The following PRKCQ variants were observed in gnomAD, a reference collection of about 807,000 sequenced individuals.
The protein encoded by PRKCQ is protein kinase C theta, also known as protein kinase C theta type.
Under a neutral mutation model 91.2 loss-of-function variants are expected in PRKCQ, and 41 were observed. The observed-to-expected ratio is 0.45, with a 90% confidence interval of 0.35 to 0.58. The LOEUF (loss-of-function observed/expected upper bound fraction) is 0.58, where lower values mean the gene tolerates loss of function less well. Among genes scored for constraint, PRKCQ ranks in the 20% least tolerant of loss-of-function variants. PRKCQ has a pLI of 0.00. For synonymous variants in PRKCQ, 307 were observed against 316.9 expected (o/e 0.97, Z 0.33); for missense variants, 673 against 896.5 (o/e 0.75, Z 3.18).
At chr10:6,579,695 C>T (rs1025081559) in intron 1 of PRKCQ, among the ~76,000 whole-genome samples, 11 of 151,690 alleles carry the variant, frequency 7.3e-5, no homozygotes, top group African/African-American at 2.7e-4. Flanking sequence ...CCTCCCCCTC[C>T]CCCAGGCCCT....
Position 6,483,616 on chromosome 10 carries a change from G to A in PRKCQ, c.1019-16C>T. On this transcript the variant is annotated splice_polypyrimidine_tract_variant and intron_variant, in intron 10 of 17. Coordinates refer to ENST00000263125, the MANE Select transcript of PRKCQ (RefSeq NM_006257.5). ...CCCTGAGGCTCTGAAAATGCAAGCTGGTGGTTAAAAATGAACATGGAGTAA... is the reference window on the plus strand; with the variant it reads ...CCCTGAGGCTCTGAAAATGCAAGCTAGTGGTTAAAAATGAACATGGAGTAA... 6.2e-7 allele frequency: 1 copy of A among 1,612,530 alleles called. No individual in the cohort carries two copies.
rs979856020 is a variant in PRKCQ, at chr10:6,521,463, A to C, written c.-9-6319T>G. Among the ~76,000 whole-genome samples, 9 of 152,150 alleles carry C rather than the reference A, an allele frequency of 5.9e-5. 2 individuals carry two copies. Among genetic ancestry groups the C allele is most frequent in the Admixed American group, 6.5e-5 (1 of 15,292 alleles). ...TTAAACTCTCTAAGCCTGCTTTCTC[A>C]TTTGGAAATCACTGATAATACTATT... On this transcript the variant is annotated intron_variant, in intron 1 of 17. Coordinates refer to ENST00000263125, the MANE Select transcript of PRKCQ (RefSeq NM_006257.5).
intron 1 of PRKCQ, among the ~76,000 whole-genome samples, chr10:6,555,435 G>T (rs1840373216): frequency 6.6e-6 from 1 of 152,092 alleles, no homozygotes; most frequent in East Asian, 1.9e-4. Context: ...TTCTATTTCA[G>T]ACAACAGACA....
chr10:6,535,868 C>T (rs991536167), intron 1 of PRKCQ, among the ~76,000 whole-genome samples: 1 of 152,180 alleles, frequency 6.6e-6, no homozygotes, highest in African/African-American at 2.4e-5. Context: ...GCTGACGAAA[C>T]CAACTGCTGT....
At chr10:6,548,092 C>G (rs1244781896) in intron 1 of PRKCQ, among the ~76,000 whole-genome samples, 1 of 152,148 alleles carries the variant, frequency 6.6e-6, no homozygotes, top group Admixed American at 6.5e-5. Context: ...AGACACTTCT[C>G]AAAAGAAGAC....
Position 6,490,933 on chromosome 10 carries a change from G to A in PRKCQ, c.790+750C>T, listed in dbSNP as rs577432466. On this transcript the variant is annotated intron_variant, in intron 8 of 17. Coordinates refer to ENST00000263125, the MANE Select transcript of PRKCQ (RefSeq NM_006257.5). Reference sequence around the variant, plus strand: ...CCTAGTCCTTAATCCTAGTGTAACAGCATCTCAGCTTCTAAACGTTATCGC... The same window carrying A: ...CCTAGTCCTTAATCCTAGTGTAACAACATCTCAGCTTCTAAACGTTATCGC... Among the ~76,000 whole-genome samples, 7 of 151,836 alleles carry A rather than the reference G, an allele frequency of 4.6e-5. No homozygotes were observed. The South Asian group carries it at 1.5e-3, about 32-fold the overall frequency.
intron 7 of PRKCQ, among the ~76,000 whole-genome samples, chr10:6,493,923 C>T (rs1009484478): frequency 2.0e-5 from 3 of 152,184 alleles, no homozygotes; most frequent in Non-Finnish European, 4.4e-5. Context: ...CTTCTCTGAA[C>T]CTGCCCCTTT....
intron 1 of PRKCQ, 22 bp from the exon 2 acceptor site, chr10:6,515,166 A>T: frequency 6.2e-7 from 1 of 1,611,482 alleles, no homozygotes; most frequent in Non-Finnish European, 8.5e-7. Flanking sequence ...CAAAAGACAA[A>T]CGCTGTTTGG....
the PRKCQ span, among the ~76,000 whole-genome samples, chr10:6,418,623 G>A: frequency 0.013 from 1,912 of 152,212 alleles, 13 homozygotes; most frequent in Non-Finnish European, 0.021. Flanking sequence ...CTAATTACAG[G>A]ACCATAGAGT....
the PRKCQ span, among the ~76,000 whole-genome samples, chr10:6,413,246 C>T: frequency 6.6e-6 from 1 of 152,146 alleles, no homozygotes; most frequent in Admixed American, 6.5e-5. Context: ...GCCACTCTGC[C>T]CGGCCTTAAA....
chr10:6,512,481 G>C (rs1192425982), intron 2 of PRKCQ, among the ~76,000 whole-genome samples: 1 of 152,210 alleles, frequency 6.6e-6, no homozygotes, highest in Non-Finnish European at 1.5e-5. Flanking sequence ...TAATTAAGAA[G>C]TTTTTTCTTG....
intron 15 of PRKCQ, 60 bp downstream of exon 15, chr10:6,456,614 A>C (rs563827270): frequency 6.3e-7 from 1 of 1,579,326 alleles, no homozygotes; most frequent in Admixed American, 1.8e-5. Context: ...GGGGCTAAAG[A>C]AGCAATGGCA....
At chr10:6,528,382 A>T (rs1365081148) in intron 1 of PRKCQ, among the ~76,000 whole-genome samples, 1 of 151,942 alleles carries the variant, frequency 6.6e-6, no homozygotes, top group Non-Finnish European at 1.5e-5. Flanking sequence ...ATCCTTGGCC[A>T]TGTCATAGGC....
intron 3 of PRKCQ, among the ~76,000 whole-genome samples, chr10:6,510,039 T>C (rs1838392545): frequency 6.6e-6 from 1 of 152,198 alleles, no homozygotes; most frequent in Admixed American, 6.5e-5. Flanking sequence ...TTTCTTAAAA[T>C]CTGAGTTTAA....
intron 15 of PRKCQ, among the ~76,000 whole-genome samples, chr10:6,452,281 AACAG>A (rs1176011523): frequency 6.6e-6 from 1 of 152,074 alleles, no homozygotes; most frequent in Admixed American, 6.6e-5. Flanking sequence ...AGACACCAAT[AACAG>A]ACAGAGAGCC....
intron 2 of PRKCQ, 131 bp from the exon 3 acceptor site, chr10:6,511,325 C>T: frequency 2.4e-6 from 2 of 825,924 alleles, no homozygotes; most frequent in East Asian, 2.6e-5. Flanking sequence ...ACAAAAGTAG[C>T]ACATAAACAA....
At chr10:6,564,316 A>T (rs1468542600) in intron 1 of PRKCQ, among the ~76,000 whole-genome samples, 1 of 152,140 alleles carries the variant, frequency 6.6e-6, no homozygotes, top group Non-Finnish European at 1.5e-5. Context: ...TGTAGGAAAT[A>T]TTATGGTATA....
Position 6,427,324 on chromosome 10 carries a change from G to C in PRKCQ, c.*883C>G, listed in dbSNP as rs755418169. The C allele has an allele frequency of 6.6e-6, 1 of 152,112 alleles. No individual in the cohort carries two copies. The highest frequency in any genetic ancestry group is 6.5e-5 in the Admixed American group (1 of 15,278). 9.4% of individuals were successfully genotyped at this position (152,112 alleles called of 1,614,324 possible). A position where few individuals can be genotyped will look rare whatever the true frequency, so the allele number is the denominator to read the frequency against. ...GCCATTGATCTTGAATGATGCCTAC[G>C]GAGGGGCTTATGAGTCATGAAATCA... On this transcript the variant is annotated 3_prime_UTR_variant, in exon 18 of 18. Transcript: ENST00000263125.
At chr10:6,527,944 A>G (rs1021767357) in intron 1 of PRKCQ, among the ~76,000 whole-genome samples, 4 of 152,190 alleles carry the variant, frequency 2.6e-5, no homozygotes, top group African/African-American at 7.2e-5. Context: ...TCCCAGGTAC[A>G]GAAGAAGGGC....
Sources: allele counts gnomAD v4.1 joint callset (sites outside exome capture counted in the v4.1 genomes callset), GRCh38; gene constraint gnomAD v4.1.1; transcripts MANE v1.5; gene names NCBI Gene and HGNC (gene_info 2026-07-23, HGNC 2026-07-21).